The following CELSR1 variants were observed in gnomAD, a reference collection of about 807,000 sequenced individuals.
CELSR1 encodes cadherin EGF LAG seven-pass G-type receptor 1.
In CELSR1, 110 loss-of-function variants were observed where a neutral mutation model predicts 249.1. The observed-to-expected ratio is 0.44, with a 90% confidence interval of 0.38 to 0.52. The LOEUF (loss-of-function observed/expected upper bound fraction) is 0.52. CELSR1 is among the 20% of genes least tolerant of loss of function. The pLI is 0.00. For synonymous variants in CELSR1, 2,113 were observed against 1,900.0 expected, an observed-to-expected ratio of 1.11 and a Z score of -2.92; for missense variants, 4,109 against 4,296.4, an observed-to-expected ratio of 0.96 and a Z score of 1.22.
rs1245398403 is a variant in CELSR1 at position 46,365,095 on chromosome 22, C to CA, written c.8554+135dup. 5.6e-6 allele frequency: 7 copies of CA among 1,259,924 alleles called. No individual in the cohort carries two copies. In the East Asian group the frequency reaches 1.8e-4, roughly 32 times the overall value. The allele number at this position is 1,259,924 out of a possible 1,614,324, so 78.0% of individuals were successfully genotyped here. A position where few individuals can be genotyped will look rare whatever the true frequency, so the allele number is the denominator to read the frequency against. On this transcript the variant is annotated intron_variant, in intron 32 of 34. Coordinates refer to ENST00000674500, the MANE Select transcript of CELSR1 (RefSeq NM_001378328.1). ...TGGGGGAGCCCAACCAGAGTCCCCC[C>CA]ACCCCAGGCTGTCCTTTCATGTGGC...
intron 30 of CELSR1, 46 bp from the exon 31 acceptor site, chr22:46,365,735 C>T (rs1244820521): frequency 8.9e-6 from 13 of 1,466,582 alleles, no homozygotes; most frequent in African/African-American, 2.9e-5. Context: ...CGTCAGGGAA[C>T]AGGAGGTGCT....
chr22:46,482,058 C>T (rs551251306), intron 1 of CELSR1, among the ~76,000 whole-genome samples: 49 of 152,334 alleles, frequency 3.2e-4, no homozygotes, highest in African/African-American at 1.2e-3. Context: ...CAGACATGAG[C>T]TACTGCACCC....
intron 19 of CELSR1, among the ~76,000 whole-genome samples, 190 bp from the exon 20 acceptor site, chr22:46,384,876 G>A (rs1168573995): frequency 1.5e-5 from 2 of 133,636 alleles, no homozygotes; most frequent in African/African-American, 3.6e-5. Flanking sequence ...TGCAACCTCC[G>A]CCTCCCAGAT....
chr22:46,498,314 AG>A (rs2080434538), intron 1 of CELSR1, among the ~76,000 whole-genome samples: 2 of 142,444 alleles, frequency 1.4e-5, no homozygotes, highest in South Asian at 2.2e-4. Flanking sequence ...AAAAAAAAAA[AG>A]ATAGTCCAGT....
chr22:46,510,398 T>C (rs574448998), intron 1 of CELSR1, among the ~76,000 whole-genome samples: 1 of 151,414 alleles, frequency 6.6e-6, no homozygotes, highest in Admixed American at 6.6e-5. Flanking sequence ...CCCTTGGAGG[T>C]AATTAAAGTG....
At chr22:46,385,865 G>A (rs916988652) in intron 19 of CELSR1, among the ~76,000 whole-genome samples, 1 of 151,742 alleles carries the variant, frequency 6.6e-6, no homozygotes, top group Non-Finnish European at 1.5e-5. Context: ...TTTTAGTAGA[G>A]ACGGGGTTTC....
chr22:46,361,205 C>T lies in CELSR1; in HGVS notation c.*2018G>A, dbSNP rs1201780700. ...TTCAAAAATCTTAATTTATTGTAGA[C>T]TCTTCTCATTTGTAATTCCAGTGTT... On this transcript the variant is annotated 3_prime_UTR_variant, in exon 35 of 35. Coordinates refer to ENST00000674500, the MANE Select transcript of CELSR1 (RefSeq NM_001378328.1). The T allele has an allele frequency of 1.3e-5, 2 of 152,572 alleles. No homozygotes were observed. Among genetic ancestry groups the T allele is most frequent in the East Asian group, 3.8e-4 (2 of 5,202 alleles). The allele number at this position is 152,572 out of a possible 1,614,324, so 9.5% of individuals were successfully genotyped here. A position where few individuals can be genotyped will look rare whatever the true frequency, so the allele number is the denominator to read the frequency against.
At position 46,534,241 on chromosome 22, in the gene CELSR1, G is replaced by A. The variant is rs61737813; in HGVS notation, c.2930C>T (p.Thr977Ile). ...GATTTCTACCGAGGCGCTAAGGGGA[G>A]TGGGACTGCCCCGATCCACAGCCAG... ...WALAVDRGSP[T>I]PLSASVEIQV... Residue 977 changes from threonine (T) to isoleucine (I), a missense_variant, in exon 1 of 35, where the codon ACT (threonine) becomes ATT (isoleucine). Thr to Ile is a moderately conservative substitution (Grantham distance 89). Around this residue, in one of 7 missense-constraint regions of CELSR1, gnomAD observed 886 missense variants for 896.5 expected, o/e 0.99. Coordinates refer to ENST00000674500, the MANE Select transcript of CELSR1 (RefSeq NM_001378328.1). This position sits in a 1 kb window ranked among gnomAD's most constrained non-coding sequence, Gnocchi z 9.7. 8.3e-4 allele frequency: 1,347 copies of A among 1,613,704 alleles called. 13 individuals are homozygous for A. In the African/African-American group the frequency reaches 0.016, roughly 19 times the overall value.
chr22:46,426,802 G>T (rs947591048), intron 5 of CELSR1, among the ~76,000 whole-genome samples: 1 of 152,128 alleles, frequency 6.6e-6, no homozygotes, highest in Admixed American at 6.5e-5. Context: ...GCATTCTTCC[G>T]CCATGTGAGG....
chr22:46,528,237 G>A (rs577535496), intron 1 of CELSR1, among the ~76,000 whole-genome samples: 20 of 152,192 alleles, frequency 1.3e-4, no homozygotes, highest in African/African-American at 4.8e-4. Context: ...AAAAGCCACT[G>A]CAATATCCTG....
chr22:46,377,806 C>T (rs573775961), intron 23 of CELSR1, among the ~76,000 whole-genome samples: 4 of 152,362 alleles, frequency 2.6e-5, no homozygotes, highest in Non-Finnish European at 5.9e-5. Context: ...CCTCCAGCCC[C>T]GCCTGAGGGC....
rs773035011 is a variant in CELSR1 at position 46,533,726 on chromosome 22, G to A, written c.3445C>T (p.Arg1149Cys). The change falls in exon 1 of 35, where the codon CGC (arginine) becomes TGC (cysteine). Residue 1149 changes from arginine to cysteine, a missense_variant. Arg to Cys is a radical substitution (Grantham distance 180, BLOSUM62 -3). This residue lies in a region of CELSR1 where 886 missense variants were observed against 896.5 expected (regional missense o/e 0.99). Transcript: ENST00000674500. ...NYTFVQGNEL[R>C]LLLLDPATGE... ...GTGGCGGGGTCCAGCAGCAACAGGC[G>A]CAGCTCGTTGCCCTGCACGAAGGTG... The A allele has an allele frequency of 1.1e-5, 18 of 1,612,938 alleles. No individual in the cohort carries two copies. Among genetic ancestry groups the A allele is most frequent in the East Asian group, 6.7e-5 (3 of 44,898 alleles).
chr22:46,530,955 C>G (rs904400120), intron 1 of CELSR1, among the ~76,000 whole-genome samples: 1 of 152,208 alleles, frequency 6.6e-6, no homozygotes, highest in Non-Finnish European at 1.5e-5. Context: ...GGCTGTAAAT[C>G]CTGGGGAAGC....
Position 46,391,205 on chromosome 22 carries a change from T to A in CELSR1, c.6231A>T (p.Pro2077=). 1 of 1,613,246 alleles carries A rather than the reference T, an allele frequency of 6.2e-7. No homozygotes were observed. Among genetic ancestry groups the A allele is most frequent in the South Asian group, 1.1e-5 (1 of 91,070 alleles). ...QTKFGQPAAV[P]CPKGSVGNAV... is the part of the protein sequence containing the mutation. ...ACTCACCAACGGATCCCTTAGGGCA[T>A]GGCACCGCAGCCGGCTGCCCGAACT... is the stretch of plus-strand genomic sequence containing the variant. Residue 2077 remains proline, a synonymous_variant, in exon 16 of 35, where the codon CCA becomes CCT. Coordinates refer to ENST00000674500, the MANE Select transcript of CELSR1 (RefSeq NM_001378328.1). The surrounding 1 kb of genome is among the most constrained non-coding windows in gnomAD (Gnocchi z 4.3).
intron 5 of CELSR1, among the ~76,000 whole-genome samples, chr22:46,424,366 A>G (rs113300333): frequency 0.032 from 4,881 of 152,252 alleles, 130 homozygotes; most frequent in African/African-American, 0.064. Context: ...GGCGTGAGCC[A>G]CCACACCTGG....
chr22:46,489,273 C>T (rs1344434980), intron 1 of CELSR1, among the ~76,000 whole-genome samples: 1 of 151,908 alleles, frequency 6.6e-6, no homozygotes, highest in East Asian at 1.9e-4. Context: ...GGGCACCTTC[C>T]CCCTGGCTCA....
Position 46,364,449 on chromosome 22 carries a change from G to C in CELSR1, c.8779+63C>G, listed in dbSNP as rs2078743308. The stretch of plus-strand genomic sequence containing the variant: ...AGCCCCAGCCCCACTCCCACCTCCA[G>C]ACCAGGGACTGGCCCTTCTGGGTCC... On this transcript the variant is annotated intron_variant, in intron 33 of 34. Transcript: ENST00000674500. The C allele has an allele frequency of 2.6e-6, 4 of 1,551,654 alleles. No homozygotes were observed. The South Asian group carries it at 4.8e-5, about 19-fold the overall frequency.
intron 1 of CELSR1, among the ~76,000 whole-genome samples, chr22:46,508,964 C>T (rs571247223): frequency 2.0e-5 from 3 of 152,286 alleles, no homozygotes; most frequent in South Asian, 4.1e-4. Flanking sequence ...AGGATAGCCA[C>T]GACCCTCACC....
intron 5 of CELSR1, among the ~76,000 whole-genome samples, chr22:46,420,512 ACT>A (rs2079457568): frequency 6.6e-6 from 1 of 152,016 alleles, no homozygotes; most frequent in African/African-American, 2.4e-5. Context: ...GGACACACCC[ACT>A]CACATCATTC....
Sources: gnomAD v4.1 joint callset for allele counts (sites outside exome capture counted in the v4.1 genomes callset) on GRCh38, gnomAD v4.1.1 for gene constraint, gnomAD v4.1.1 regional missense constraint, Gnocchi (gnomAD v3.1) non-coding constraint, MANE v1.5 for transcripts, NCBI Gene and HGNC (gene_info 2026-07-23, HGNC 2026-07-21) for gene names.